The following DOCK7 variants were observed in gnomAD, a reference collection of about 807,000 sequenced individuals.
DOCK7 encodes dedicator of cytokinesis protein 7.
A neutral mutation model predicts 271.0 loss-of-function variants in DOCK7; 138 were observed. That is an observed-to-expected ratio of 0.51 (90% CI 0.44 to 0.59). The LOEUF (loss-of-function observed/expected upper bound fraction) is 0.59. Among genes scored for constraint, DOCK7 ranks in the 20% least tolerant of loss-of-function variants. The pLI, the probability that DOCK7 is intolerant of heterozygous loss-of-function variation, is 0.00. For synonymous variants in DOCK7, 823 were observed against 876.1 expected, an observed-to-expected ratio of 0.94 and a Z score of 1.07; for missense variants, 2,066 against 2,592.4, an observed-to-expected ratio of 0.80 and a Z score of 4.41.
chr1:62,634,374 G>GATTTTT (rs377031118), intron 9 of DOCK7: 1 of 122,378 alleles, frequency 8.2e-6, no homozygotes, highest in African/African-American at 2.8e-5. Flanking sequence ...AAATCTCAAT[G>GATTTTT]TTTTTTTTTT....
rs187068788 is a variant in DOCK7, at chr1:62,499,925, T to C, written c.4765-3428A>G. ...ACACAAGAAACCCATCTTGAAGTTG[T>C]AAAACTGTTCTGAAAAAAAAAAAAT... On this transcript the variant is annotated intron_variant, in intron 37 of 49. Transcript: ENST00000635253. 2.7e-3 allele frequency among the ~76,000 whole-genome samples: 236 copies of C among 86,198 alleles called. 1 individual carries two copies. Among genetic ancestry groups the C allele is most frequent in the Non-Finnish European group, 4.2e-3 (179 of 43,100 alleles). 56.5% of individuals were successfully genotyped at this position (86,198 alleles called of 152,430 possible). A position where few individuals can be genotyped will look rare whatever the true frequency, so the allele number is the denominator to read the frequency against.
chr1:62,463,400 GA>G (rs1385532054), intron 48 of DOCK7, among the ~76,000 whole-genome samples: 5 of 151,936 alleles, frequency 3.3e-5, no homozygotes, highest in African/African-American at 4.8e-5. Flanking sequence ...ACACACTTTT[GA>G]AAAAAATGTG....
chr1:62,620,526 T>C (rs1466011723), intron 12 of DOCK7, among the ~76,000 whole-genome samples: 1 of 152,054 alleles, frequency 6.6e-6, no homozygotes, highest in Non-Finnish European at 1.5e-5. Context: ...TTTTTTCTTA[T>C]TTATAGTCCA....
At chr1:62,565,007 C>T (rs530823026) in intron 18 of DOCK7, among the ~76,000 whole-genome samples, 4 of 152,098 alleles carry the variant, frequency 2.6e-5, no homozygotes, top group East Asian at 1.9e-4. Context: ...AGGAAGAAGT[C>T]GAATCCCTGA....
intron 19 of DOCK7, among the ~76,000 whole-genome samples, chr1:62,561,001 C>G (rs927690319): frequency 2.0e-5 from 3 of 152,062 alleles, no homozygotes; most frequent in African/African-American, 7.2e-5. Context: ...TATATACATA[C>G]ACACAAACAG....
chr1:62,594,744 C>T (rs1648973676), intron 14 of DOCK7, among the ~76,000 whole-genome samples: 1 of 152,082 alleles, frequency 6.6e-6, no homozygotes, highest in Non-Finnish European at 1.5e-5. Flanking sequence ...CATTACTGTA[C>T]TAAAGCATTA....
chr1:62,654,594 T>C (rs936588073), intron 2 of DOCK7, among the ~76,000 whole-genome samples: 5 of 152,152 alleles, frequency 3.3e-5, no homozygotes, highest in Admixed American at 3.3e-4. Flanking sequence ...ATAATCAGAC[T>C]GGGGTAGGCT....
intron 12 of DOCK7, among the ~76,000 whole-genome samples, chr1:62,620,439 A>G (rs992943621): frequency 7.2e-5 from 11 of 152,046 alleles, no homozygotes; most frequent in Admixed American, 3.9e-4. Flanking sequence ...AATTAAAATT[A>G]TGATTATAAA....
intron 31 of DOCK7, among the ~76,000 whole-genome samples, chr1:62,522,486 T>C (rs1644879885): frequency 6.6e-6 from 1 of 152,038 alleles, no homozygotes; most frequent in Non-Finnish European, 1.5e-5. Context: ...ACAATTCAAC[T>C]ATTCATAACT....
intron 16 of DOCK7, among the ~76,000 whole-genome samples, chr1:62,580,007 T>A (rs1474074879): frequency 6.6e-6 from 1 of 152,078 alleles, no homozygotes; most frequent in Non-Finnish European, 1.5e-5. Context: ...ACGGCTGCTA[T>A]TCATAACAAA....
rs879612213 is a variant in DOCK7, at chr1:62,466,935, CA to C, written c.6212+7046del. ...TGTCTCAAAAAAACAAAAACAAAAACAAAAAAAAACAAAAAACAAGAACAAC... is the reference window on the plus strand; with the variant it reads ...TGTCTCAAAAAAACAAAAACAAAAACAAAAAAAACAAAAAACAAGAACAAC... On this transcript the variant is annotated intron_variant, in intron 48 of 49. Transcript: ENST00000635253. Among the ~76,000 whole-genome samples the C allele has an allele frequency of 4.7e-5, 7 of 149,284 alleles. No homozygotes were observed. In the East Asian group the frequency reaches 1.4e-3, roughly 29 times the overall value.
At chr1:62,498,182 G>A (rs1213164510) in intron 37 of DOCK7, among the ~76,000 whole-genome samples, 1 of 152,016 alleles carries the variant, frequency 6.6e-6, no homozygotes, top group African/African-American at 2.4e-5. Flanking sequence ...GTTCAAAGCT[G>A]TGCCACTGCT....
intron 18 of DOCK7, among the ~76,000 whole-genome samples, chr1:62,572,308 T>G (rs886869553): frequency 6.6e-6 from 1 of 152,230 alleles, no homozygotes; most frequent in African/African-American, 2.4e-5. Flanking sequence ...AATGGTGTAA[T>G]AGTAGCAAAC....
intron 14 of DOCK7, among the ~76,000 whole-genome samples, chr1:62,613,173 T>C (rs1286858609): frequency 6.6e-6 from 1 of 152,222 alleles, no homozygotes; most frequent in Non-Finnish European, 1.5e-5. Flanking sequence ...TTGGTTTACT[T>C]AATGTTAACA....
intron 48 of DOCK7, among the ~76,000 whole-genome samples, chr1:62,467,518 T>C (rs555426197): frequency 6.6e-6 from 1 of 152,258 alleles, no homozygotes; most frequent in South Asian, 2.1e-4. Context: ...TCTTTTACAA[T>C]ATGGACTGTT....
intron 7 of DOCK7, among the ~76,000 whole-genome samples, chr1:62,644,712 G>A (rs1656430157): frequency 6.6e-6 from 1 of 152,162 alleles, no homozygotes; most frequent in Non-Finnish European, 1.5e-5. Context: ...AAATGTAAGA[G>A]AAATGATTTT....
intron 16 of DOCK7, among the ~76,000 whole-genome samples, chr1:62,580,944 A>C (rs1457858426): frequency 6.6e-6 from 1 of 152,224 alleles, no homozygotes; most frequent in East Asian, 1.9e-4. Flanking sequence ...TTATTGGAAC[A>C]CAGCTACACC....
chr1:62,684,334 T>A (rs886252123), intron 1 of DOCK7, among the ~76,000 whole-genome samples: 1 of 152,186 alleles, frequency 6.6e-6, no homozygotes. Flanking sequence ...GTAAGTAATA[T>A]GGAAATCATA....
intron 2 of DOCK7, among the ~76,000 whole-genome samples, chr1:62,655,001 GA>G (rs1162197907): frequency 6.6e-6 from 1 of 152,162 alleles, no homozygotes; most frequent in Non-Finnish European, 1.5e-5. Context: ...TTAGTCCAGT[GA>G]TACTGATTTC....
Sources: gnomAD v4.1 joint callset for allele counts (sites outside exome capture counted in the v4.1 genomes callset) on GRCh38, gnomAD v4.1.1 for gene constraint, MANE v1.5 for transcripts, NCBI Gene and HGNC (gene_info 2026-07-23, HGNC 2026-07-21) for gene names.